The following CACNA2D3 variants were observed in gnomAD, a reference collection of about 807,000 sequenced individuals.
The protein encoded by CACNA2D3 is calcium voltage-gated channel auxiliary subunit alpha2delta 3, also known as voltage-dependent calcium channel subunit alpha-2/delta-3.
Under a neutral mutation model 160.6 loss-of-function variants are expected in CACNA2D3, and 60 were observed. The observed-to-expected ratio is 0.37, with a 90% confidence interval of 0.30 to 0.46. CACNA2D3 has a LOEUF of 0.46. Among genes scored for constraint, CACNA2D3 ranks in the 20% least tolerant of loss-of-function variants. CACNA2D3 has a pLI of 1.00. For missense variants in CACNA2D3, 1,205 were observed against 1,365.0 expected, an observed-to-expected ratio of 0.88 and a Z score of 1.85; for synonymous variants, 558 against 492.9, an observed-to-expected ratio of 1.13 and a Z score of -1.75.
At chr3:54,546,855 C>G (rs1042167540) in intron 5 of CACNA2D3, among the ~76,000 whole-genome samples, 4 of 152,166 alleles carry the variant, frequency 2.6e-5, no homozygotes, top group African/African-American at 7.2e-5. Context: ...TTAAAAGACT[C>G]CCATTTCTTC....
At chr3:54,702,368 T>C (rs1700783253) in intron 11 of CACNA2D3, among the ~76,000 whole-genome samples, 3 of 152,154 alleles carry the variant, frequency 2.0e-5, no homozygotes, top group African/African-American at 7.2e-5. Context: ...CGAAGTCTAA[T>C]GTCCAGGGAA....
intron 27 of CACNA2D3, among the ~76,000 whole-genome samples, chr3:54,950,129 G>A (rs1252680982): frequency 1.3e-5 from 2 of 152,212 alleles, no homozygotes; most frequent in East Asian, 3.9e-4. Context: ...TGGAAAATGG[G>A]AGTCATAAGT....
chr3:55,063,828 C>T (rs1021120475), intron 35 of CACNA2D3, among the ~76,000 whole-genome samples: 5 of 152,152 alleles, frequency 3.3e-5, no homozygotes, highest in Non-Finnish European at 5.9e-5. Flanking sequence ...GCAGGGAGAC[C>T]AGTTGGAAGA....
At chr3:54,717,672 GGTGT>G (rs146609285) in intron 11 of CACNA2D3, among the ~76,000 whole-genome samples, 5 of 144,436 alleles carry the variant, frequency 3.5e-5, no homozygotes, top group East Asian at 2.1e-4. Flanking sequence ...ATGCATGTGT[GGTGT>G]GTGTGGTGTG....
chr3:54,769,819 A>G (rs1310259608), intron 13 of CACNA2D3, among the ~76,000 whole-genome samples: 6 of 152,150 alleles, frequency 3.9e-5, no homozygotes, highest in Admixed American at 3.9e-4. Flanking sequence ...TATGATGAGT[A>G]TCTTGGAAAA....
At chr3:55,017,811 C>G (rs1239886352) in intron 34 of CACNA2D3, among the ~76,000 whole-genome samples, 1 of 152,130 alleles carries the variant, frequency 6.6e-6, no homozygotes, top group African/African-American at 2.4e-5. Context: ...ATAATAAAAC[C>G]ATGCAATTGT....
intron 18 of CACNA2D3, among the ~76,000 whole-genome samples, chr3:54,878,288 T>C (rs1448650702): frequency 6.6e-6 from 1 of 152,164 alleles, no homozygotes; most frequent in African/African-American, 2.4e-5. Flanking sequence ...GCCTTCTCTG[T>C]CGTCTTGCCT....
intron 13 of CACNA2D3, among the ~76,000 whole-genome samples, chr3:54,766,932 A>C (rs570933931): frequency 6.7e-6 from 1 of 148,356 alleles, no homozygotes; most frequent in East Asian, 1.9e-4. Context: ...TACTTACTTT[A>C]CAAAAAAAAA....
intron 2 of CACNA2D3, among the ~76,000 whole-genome samples, chr3:54,209,250 G>T (rs1017549056): frequency 1.3e-5 from 2 of 152,198 alleles, no homozygotes; most frequent in African/African-American, 4.8e-5. Flanking sequence ...AATAATTGGA[G>T]ACCCTGGAGG....
chr3:54,986,187 G>A (rs1166070494), intron 30 of CACNA2D3, among the ~76,000 whole-genome samples: 3 of 152,118 alleles, frequency 2.0e-5, no homozygotes, highest in Non-Finnish European at 4.4e-5. Flanking sequence ...GATGTCTTCC[G>A]GGGGTGAGTC....
intron 11 of CACNA2D3, among the ~76,000 whole-genome samples, chr3:54,697,879 A>G (rs1180725985): frequency 2.0e-5 from 3 of 151,896 alleles, no homozygotes; most frequent in South Asian, 2.1e-4. Flanking sequence ...TTAGCCAGAC[A>G]TTTTTTTTTT....
intron 3 of CACNA2D3, among the ~76,000 whole-genome samples, chr3:54,321,713 C>G (rs951146168): frequency 1.3e-5 from 2 of 152,148 alleles, no homozygotes; most frequent in Non-Finnish European, 2.9e-5. Flanking sequence ...ACCCCAGAGT[C>G]CGCATTCTTT....
intron 2 of CACNA2D3, among the ~76,000 whole-genome samples, chr3:54,291,114 A>C (rs1228471206): frequency 2.0e-5 from 3 of 152,252 alleles, no homozygotes; most frequent in Non-Finnish European, 4.4e-5. Context: ...ACATCGTGGC[A>C]GGTTGCATAC....
chr3:54,288,121 A>G (rs1703081078), intron 2 of CACNA2D3, among the ~76,000 whole-genome samples: 1 of 152,054 alleles, frequency 6.6e-6, no homozygotes. Context: ...TCAAAAAATT[A>G]ATGAATCCAG....
chr3:54,681,850 C>T (rs1700357367), intron 11 of CACNA2D3, among the ~76,000 whole-genome samples: 1 of 151,956 alleles, frequency 6.6e-6, no homozygotes, highest in African/African-American at 2.4e-5. Context: ...ACCCAGCTAA[C>T]TTTCTTACTT....
chr3:54,864,507 G>A (rs1410955288), intron 17 of CACNA2D3, among the ~76,000 whole-genome samples: 1 of 152,094 alleles, frequency 6.6e-6, no homozygotes, highest in Non-Finnish European at 1.5e-5. Context: ...CTCCAGACCT[G>A]CCTCAGCCTC....
intron 2 of CACNA2D3, among the ~76,000 whole-genome samples, chr3:54,142,225 G>A (rs2107269115): frequency 6.6e-6 from 1 of 152,206 alleles, no homozygotes. Context: ...GTGAGTTCAG[G>A]GACTTATCCT....
intron 27 of CACNA2D3, among the ~76,000 whole-genome samples, chr3:54,956,624 C>G (rs1701901796): frequency 1.3e-5 from 2 of 152,066 alleles, no homozygotes; most frequent in African/African-American, 4.8e-5. Flanking sequence ...CCTACAGACC[C>G]TGCCTCTTTA....
chr3:54,263,334 G>A (rs1388285276), intron 2 of CACNA2D3, among the ~76,000 whole-genome samples: 2 of 152,188 alleles, frequency 1.3e-5, no homozygotes, highest in Admixed American at 6.5e-5. Context: ...CATGTATTAA[G>A]TGCTTAATGT....
Sources: gnomAD v4.1 joint callset for allele counts (sites outside exome capture counted in the v4.1 genomes callset) on GRCh38, gnomAD v4.1.1 for gene constraint, MANE v1.5 for transcripts, NCBI Gene and HGNC (gene_info 2026-07-23, HGNC 2026-07-21) for gene names.